The following DLG2 variants were observed in gnomAD, a reference collection of about 807,000 sequenced individuals.
DLG2 encodes the protein disks large homolog 2.
In DLG2, 45 loss-of-function variants were observed where a neutral mutation model predicts 132.5. The ratio of observed to expected loss-of-function variants is 0.34; its 90% CI spans 0.27 to 0.44. The LOEUF (loss-of-function observed/expected upper bound fraction) is 0.44, where lower values mean the gene tolerates loss of function less well. Among genes scored for constraint, DLG2 ranks in the 20% least tolerant of loss-of-function variants. DLG2 has a pLI of 1.00. For missense variants in DLG2, 1,045 were observed against 1,196.9 expected (o/e 0.87, Z 1.87); for synonymous variants, 424 against 419.6 (o/e 1.01, Z -0.13).
intron 3 of DLG2, among the ~76,000 whole-genome samples, chr11:85,512,361 A>G (rs1167900710): frequency 6.6e-6 from 1 of 152,160 alleles, no homozygotes; most frequent in East Asian, 1.9e-4. Context: ...AGTTAACTGT[A>G]GAGTGGAATG....
intron 3 of DLG2, among the ~76,000 whole-genome samples, chr11:85,323,863 C>T (rs1193816136): frequency 6.6e-6 from 1 of 152,244 alleles, no homozygotes; most frequent in East Asian, 1.9e-4. Context: ...TAATATTCCA[C>T]TGTGAATATA....
chr11:85,312,928 T>C (rs1189211417), intron 3 of DLG2, among the ~76,000 whole-genome samples: 1 of 151,994 alleles, frequency 6.6e-6, no homozygotes, highest in Non-Finnish European at 1.5e-5. Flanking sequence ...AAACACTCTT[T>C]AGGAACTATG....
At chr11:84,620,819 G>A (rs1308916214) in intron 6 of DLG2, among the ~76,000 whole-genome samples, 1 of 152,048 alleles carries the variant, frequency 6.6e-6, no homozygotes, top group Non-Finnish European at 1.5e-5. Flanking sequence ...TTGAATAGGT[G>A]AAAACCATAT....
At chr11:84,193,773 A>G (rs1351660372) in intron 8 of DLG2, among the ~76,000 whole-genome samples, 1 of 152,228 alleles carries the variant, frequency 6.6e-6, no homozygotes, top group African/African-American at 2.4e-5. Flanking sequence ...TAGATGTTTC[A>G]TAAGAAATAT....
chr11:85,020,474 A>C (rs917007841), intron 6 of DLG2, among the ~76,000 whole-genome samples: 2 of 151,882 alleles, frequency 1.3e-5, no homozygotes, highest in African/African-American at 4.8e-5. Context: ...GTTAGATCCC[A>C]TTTGTCTATT....
chr11:85,373,213 T>G (rs1311699633), intron 3 of DLG2, among the ~76,000 whole-genome samples: 1 of 152,168 alleles, frequency 6.6e-6, no homozygotes, highest in Non-Finnish European at 1.5e-5. Flanking sequence ...CTGTGCAAAC[T>G]GGTAAAAGGC....
intron 6 of DLG2, among the ~76,000 whole-genome samples, chr11:84,898,652 T>A (rs1274495877): frequency 1.3e-5 from 2 of 151,892 alleles, no homozygotes; most frequent in East Asian, 3.9e-4. Context: ...TTTTTTGGCT[T>A]CCATTCCCAA....
At chr11:84,895,991 T>C (rs1283697236) in intron 6 of DLG2, among the ~76,000 whole-genome samples, 1 of 152,132 alleles carries the variant, frequency 6.6e-6, no homozygotes, top group African/African-American at 2.4e-5. Flanking sequence ...TTAATAGATA[T>C]ACTGTATCTA....
chr11:85,122,833 T>C (rs967740739), intron 5 of DLG2, among the ~76,000 whole-genome samples: 9 of 149,756 alleles, frequency 6.0e-5, no homozygotes, highest in African/African-American at 1.5e-4. Flanking sequence ...TATATATATA[T>C]ATACACACAC....
intron 11 of DLG2, among the ~76,000 whole-genome samples, chr11:83,981,246 T>C (rs1471291997): frequency 6.6e-6 from 1 of 152,176 alleles, no homozygotes; most frequent in Non-Finnish European, 1.5e-5. Context: ...TTGCCTTTCA[T>C]GTTTTGTTCT....
intron 8 of DLG2, among the ~76,000 whole-genome samples, chr11:84,197,716 T>C (rs78714760): frequency 0.019 from 2,857 of 152,132 alleles, 107 homozygotes; most frequent in African/African-American, 0.065. Context: ...CATTACTGAC[T>C]AAAAAAAATT....
chr11:84,237,665 G>C (rs1243899500), intron 8 of DLG2, among the ~76,000 whole-genome samples: 1 of 152,106 alleles, frequency 6.6e-6, no homozygotes, highest in Non-Finnish European at 1.5e-5. Flanking sequence ...CCAGCTCTTC[G>C]TGTATTTAAA....
intron 8 of DLG2, among the ~76,000 whole-genome samples, chr11:84,248,068 A>T (rs1567058478): frequency 6.6e-6 from 1 of 152,318 alleles, no homozygotes; most frequent in Admixed American, 6.5e-5. Flanking sequence ...GAGGAAAACA[A>T]AGTATAGAAC....
intron 8 of DLG2, among the ~76,000 whole-genome samples, chr11:84,243,455 T>C (rs1221080793): frequency 6.6e-6 from 1 of 152,116 alleles, no homozygotes; most frequent in Non-Finnish European, 1.5e-5. Context: ...AGTTAGAAAA[T>C]GGTAGCTATC....
rs1023068804 is a variant in DLG2 at position 84,074,889 on chromosome 11, C to T, written c.750-15405G>A. On this transcript the variant is annotated intron_variant, in intron 10 of 27. Transcript: ENST00000376104. ...TCAATCATCCCTTACTTAAGACCTA[C>T]GAGCTCTTCCTATGTAATTTAAATT... 3.9e-5 allele frequency among the ~76,000 whole-genome samples: 6 copies of T among 152,108 alleles called. No individual in the cohort carries two copies. The East Asian group carries it at 5.8e-4, about 15-fold the overall frequency.
intron 8 of DLG2, among the ~76,000 whole-genome samples, chr11:84,211,708 A>C (rs2096757604): frequency 6.6e-6 from 1 of 152,252 alleles, no homozygotes; most frequent in Admixed American, 6.5e-5. Flanking sequence ...TAGTATTATA[A>C]CTATGTTTAA....
chr11:84,302,706 T>C (rs967928298), intron 7 of DLG2, among the ~76,000 whole-genome samples: 24 of 152,302 alleles, frequency 1.6e-4, no homozygotes, highest in Admixed American at 3.3e-4. Context: ...TTAAACTAAA[T>C]AATACAAATT....
intron 7 of DLG2, among the ~76,000 whole-genome samples, chr11:84,506,174 C>A (rs1335693102): frequency 1.3e-5 from 2 of 148,644 alleles, no homozygotes; most frequent in Non-Finnish European, 3.0e-5. Context: ...CTCCCGGGTT[C>A]AAGCCATTCT....
intron 9 of DLG2, among the ~76,000 whole-genome samples, chr11:84,158,897 A>G (rs2095487445): frequency 6.6e-6 from 1 of 152,360 alleles, no homozygotes; most frequent in East Asian, 1.9e-4. Context: ...ATTAAGAATA[A>G]TTATATATGC....
Sources: gnomAD v4.1 joint callset for allele counts (sites outside exome capture counted in the v4.1 genomes callset) on GRCh38, gnomAD v4.1.1 for gene constraint, MANE v1.5 for transcripts, NCBI Gene and HGNC (gene_info 2026-07-23, HGNC 2026-07-21) for gene names.